CTNNA3: variants seen among roughly 807,000 people sequenced by gnomAD.
CTNNA3 encodes catenin alpha 3.
CTNNA3 carries 76 observed loss-of-function variants against 95.7 expected under a neutral mutation model. The observed-to-expected ratio is 0.79, with a 90% CI of 0.66 to 0.96. The LOEUF (loss-of-function observed/expected upper bound fraction) is 0.96, where lower values mean the gene tolerates loss of function less well. Among genes scored for constraint, CTNNA3 ranks in the 40% least tolerant of loss-of-function variants. CTNNA3 has a pLI of 0.00. For synonymous variants in CTNNA3, 431 were observed against 374.4 expected, an observed-to-expected ratio of 1.15 and a Z score of -1.74; for missense variants, 1,191 against 1,089.8, an observed-to-expected ratio of 1.09 and a Z score of -1.31.
At chr10:67,059,246 T>C (rs138689359) in intron 7 of CTNNA3, among the ~76,000 whole-genome samples, 1 of 152,286 alleles carries the variant, frequency 6.6e-6, no homozygotes, top group Non-Finnish European at 1.5e-5. Context: ...TTTCCAAAAA[T>C]AAATACATAG....
chr10:66,990,481 C>T lies in CTNNA3; in HGVS notation c.1047+189836G>A, dbSNP rs117835016. ...ATATTATTCCAGGGATGTTTGCAGACGGAACCTATTTAGATTTTTTTGTAC... is the reference window on the plus strand; with the variant it reads ...ATATTATTCCAGGGATGTTTGCAGATGGAACCTATTTAGATTTTTTTGTAC... On this transcript the variant is annotated intron_variant, in intron 7 of 17. Transcript: ENST00000433211. Among the ~76,000 whole-genome samples, 14 of 152,222 alleles carry T rather than the reference C, an allele frequency of 9.2e-5. No homozygotes were observed. In the East Asian group the frequency reaches 2.1e-3, roughly 23 times the overall value.
At chr10:67,175,941 T>TA (rs1165967037) in intron 7 of CTNNA3, among the ~76,000 whole-genome samples, 1 of 152,098 alleles carries the variant, frequency 6.6e-6, no homozygotes, top group Non-Finnish European at 1.5e-5. Context: ...GCCCCATTTA[T>TA]AAAAAAATTC....
At chr10:66,286,281 T>C (rs1246927913) in intron 12 of CTNNA3, among the ~76,000 whole-genome samples, 1 of 152,046 alleles carries the variant, frequency 6.6e-6, no homozygotes, top group Non-Finnish European at 1.5e-5. Flanking sequence ...CTTTTACTTT[T>C]TAGCTTTCTG....
intron 7 of CTNNA3, among the ~76,000 whole-genome samples, chr10:66,939,557 A>C (rs1385836728): frequency 6.6e-6 from 1 of 152,226 alleles, no homozygotes; most frequent in Non-Finnish European, 1.5e-5. Flanking sequence ...TGTAAATTAT[A>C]GTTTAATTTT....
intron 5 of CTNNA3, among the ~76,000 whole-genome samples, chr10:67,376,558 C>G (rs370463632): frequency 1.2e-3 from 180 of 152,300 alleles, no homozygotes; most frequent in African/African-American, 4.0e-3. Context: ...ATATAGCTCA[C>G]CGATGCTCTG....
At position 67,092,078 on chromosome 10, in the gene CTNNA3, C is replaced by T. The variant is rs74233476; in HGVS notation, c.1047+88239G>A. On this transcript the variant is annotated intron_variant, in intron 7 of 17. Coordinates refer to ENST00000433211, the MANE Select transcript of CTNNA3 (RefSeq NM_013266.4). ...CAAGATAAAATGCAGAAAAACATTTCGATAGTGACAAGGACTACATCTAAA... is the reference window on the plus strand; with the variant it reads ...CAAGATAAAATGCAGAAAAACATTTTGATAGTGACAAGGACTACATCTAAA... 0.013 allele frequency among the ~76,000 whole-genome samples: 1,366 copies of T among 104,344 alleles called. 54 individuals carry two copies. The East Asian group carries it at 0.14, about 10-fold the overall frequency. The allele number at this position is 104,344 out of a possible 152,430, so 68.5% of individuals were successfully genotyped here. A position where few individuals can be genotyped will look rare whatever the true frequency, so the allele number is the denominator to read the frequency against.
At chr10:67,640,328 C>A (rs371513308) in intron 2 of CTNNA3, among the ~76,000 whole-genome samples, 5,388 of 152,218 alleles carry the variant, frequency 0.035, 91 homozygotes, top group Middle Eastern at 0.078. Flanking sequence ...AGGAGAACTA[C>A]AAACCACTGC....
intron 12 of CTNNA3, among the ~76,000 whole-genome samples, chr10:66,288,180 A>G (rs2091622225): frequency 6.6e-6 from 1 of 152,140 alleles, no homozygotes; most frequent in African/African-American, 2.4e-5. Flanking sequence ...AACACATCTT[A>G]ATTTGCCTAT....
intron 7 of CTNNA3, among the ~76,000 whole-genome samples, chr10:66,884,230 T>C (rs941751682): frequency 1.3e-5 from 2 of 152,118 alleles, no homozygotes; most frequent in Admixed American, 6.6e-5. Flanking sequence ...AAATTTCATA[T>C]GAAGTTTAAA....
At chr10:66,988,930 A>T (rs984634498) in intron 7 of CTNNA3, among the ~76,000 whole-genome samples, 1 of 151,836 alleles carries the variant, frequency 6.6e-6, no homozygotes, top group Non-Finnish European at 1.5e-5. Context: ...CTGAAGGATC[A>T]TCTTCCTCTT....
chr10:66,221,136 A>G (rs930379682), intron 13 of CTNNA3, among the ~76,000 whole-genome samples: 4 of 152,208 alleles, frequency 2.6e-5, no homozygotes, highest in African/African-American at 9.7e-5. Flanking sequence ...GGTAATATGA[A>G]TTCATTTGGC....
chr10:67,082,390 G>C (rs1857098845), intron 7 of CTNNA3, among the ~76,000 whole-genome samples: 1 of 152,132 alleles, frequency 6.6e-6, no homozygotes, highest in Admixed American at 6.5e-5. Flanking sequence ...TGAGCAGAAG[G>C]AAGAGCTAAT....
chr10:66,889,776 G>T (rs1845190923), intron 7 of CTNNA3, among the ~76,000 whole-genome samples: 1 of 150,194 alleles, frequency 6.7e-6, no homozygotes, highest in African/African-American at 2.4e-5. Flanking sequence ...GGGAAGATCA[G>T]GGGAACCACA....
intron 10 of CTNNA3, among the ~76,000 whole-genome samples, chr10:66,544,403 T>G (rs918234861): frequency 2.0e-5 from 3 of 152,138 alleles, no homozygotes; most frequent in Non-Finnish European, 2.9e-5. Context: ...AAGCAAACTT[T>G]AAGTTGCTGA....
At chr10:67,176,959 C>T in intron 7 of CTNNA3, 1 of 506,460 alleles carries the variant, frequency 2.0e-6, no homozygotes, top group South Asian at 1.5e-5. Context: ...TCCAGTGAGG[C>T]CCAGGTCAGA....
intron 15 of CTNNA3, among the ~76,000 whole-genome samples, chr10:66,027,599 A>G (rs1481264618): frequency 6.6e-6 from 1 of 152,120 alleles, no homozygotes; most frequent in African/African-American, 2.4e-5. Flanking sequence ...GACCTCCCTA[A>G]GTCATCTTGT....
intron 4 of CTNNA3, among the ~76,000 whole-genome samples, chr10:67,534,235 C>T (rs929141450): frequency 2.0e-5 from 3 of 151,952 alleles, no homozygotes; most frequent in Non-Finnish European, 4.4e-5. Flanking sequence ...TACCCTCCTC[C>T]CACCAAAAAT....
intron 5 of CTNNA3, among the ~76,000 whole-genome samples, chr10:67,344,389 T>C (rs1212980068): frequency 6.6e-6 from 1 of 152,094 alleles, no homozygotes; most frequent in Admixed American, 6.5e-5. Flanking sequence ...TTTTCCCTCC[T>C]CCTCTATTTT....
At chr10:66,531,570 A>G (rs1346184931) in intron 10 of CTNNA3, among the ~76,000 whole-genome samples, 1 of 152,188 alleles carries the variant, frequency 6.6e-6, no homozygotes. Context: ...ATAATTTGAA[A>G]ATAAAATACA....
Sources: allele counts gnomAD v4.1 joint callset (sites outside exome capture counted in the v4.1 genomes callset), GRCh38; gene constraint gnomAD v4.1.1; transcripts MANE v1.5; gene names NCBI Gene and HGNC (gene_info 2026-07-23, HGNC 2026-07-21).